The following PSD3 variants were observed in gnomAD, a reference collection of about 807,000 sequenced individuals.
The protein encoded by PSD3 is PH and SEC7 domain-containing protein 3.
Under a neutral mutation model 105.5 loss-of-function variants are expected in PSD3, and 49 were observed. That is an observed-to-expected ratio of 0.46 (90% CI 0.37 to 0.59). The LOEUF is 0.59. PSD3 is among the 20% of genes least tolerant of loss of function. The pLI is 0.00. For missense variants in PSD3, 1,561 were observed against 1,263.8 expected, an observed-to-expected ratio of 1.24 and a Z score of -3.57; for synonymous variants, 557 against 457.8, an observed-to-expected ratio of 1.22 and a Z score of -2.77.
At chr8:19,083,746 G>T (rs772718426) in intron 1 of PSD3, among the ~76,000 whole-genome samples, 1 of 152,174 alleles carries the variant, frequency 6.6e-6, no homozygotes, top group African/African-American at 2.4e-5. Flanking sequence ...TTCTGCAAGG[G>T]TGGGGAGGAT....
At chr8:18,961,509 T>C (rs1471775386) in intron 1 of PSD3, among the ~76,000 whole-genome samples, 1 of 152,092 alleles carries the variant, frequency 6.6e-6, no homozygotes, top group African/African-American at 2.4e-5. Context: ...GCCAACATGA[T>C]GAAACCCCAT....
At chr8:18,566,250 C>G (rs1236643031) in intron 14 of PSD3, among the ~76,000 whole-genome samples, 3 of 152,116 alleles carry the variant, frequency 2.0e-5, no homozygotes, top group Non-Finnish European at 2.9e-5. Flanking sequence ...CCTTGCTGGG[C>G]AGGGTGGCTC....
At chr8:18,962,467 AG>A in intron 1 of PSD3, among the ~76,000 whole-genome samples, 1 of 152,318 alleles carries the variant, frequency 6.6e-6, no homozygotes, top group South Asian at 2.1e-4. Context: ...ACACAGCAAA[AG>A]GTATTTTTGG....
intron 12 of PSD3, among the ~76,000 whole-genome samples, chr8:18,592,641 T>A (rs1803695806): frequency 6.6e-6 from 1 of 152,212 alleles, no homozygotes; most frequent in African/African-American, 2.4e-5. Flanking sequence ...TCAGCATAAA[T>A]GATCCAGGGC....
At position 18,792,423 on chromosome 8, in the gene PSD3, G is replaced by A. The variant is rs564824012; in HGVS notation, c.2082+6872C>T. Among the ~76,000 whole-genome samples, 45 of 152,278 alleles carry A rather than the reference G, an allele frequency of 3.0e-4. No homozygotes were observed. In the South Asian group the frequency reaches 8.3e-3, roughly 28 times the overall value. ...TCATGTCCTTTACAGGGACAGGGAT[G>A]GAGCCAGAGGTCATTATCCTTAGTA... On this transcript the variant is annotated intron_variant, in intron 8 of 15. Coordinates refer to ENST00000327040, the MANE Select transcript of PSD3 (RefSeq NM_015310.4).
At chr8:18,613,105 A>AT (rs1280671426) in intron 11 of PSD3, among the ~76,000 whole-genome samples, 5 of 151,998 alleles carry the variant, frequency 3.3e-5, no homozygotes, top group African/African-American at 9.7e-5. Context: ...TCACTACATC[A>AT]TTTTTTTCAG....
chr8:18,980,740 T>C (rs2129472748), intron 1 of PSD3, among the ~76,000 whole-genome samples: 1 of 152,258 alleles, frequency 6.6e-6, no homozygotes, highest in African/African-American at 2.4e-5. Context: ...AATAAACATA[T>C]CCAACTGATC....
At chr8:18,602,904 A>C (rs1804538891) in intron 11 of PSD3, among the ~76,000 whole-genome samples, 3 of 152,336 alleles carry the variant, frequency 2.0e-5, no homozygotes, top group South Asian at 4.1e-4. Flanking sequence ...AGAAGGAGTT[A>C]AAGTGATTTC....
intron 1 of PSD3, among the ~76,000 whole-genome samples, chr8:18,978,018 C>A (rs533480974): frequency 6.6e-6 from 1 of 152,292 alleles, no homozygotes; most frequent in African/African-American, 2.4e-5. Context: ...TATCATGACG[C>A]TAGCAAGGAA....
In PSD3 at chr8:18,535,803, G is replaced by T. The variant is rs140500650; in HGVS notation, c.3084C>A (p.Asn1028Lys). Residue 1028 changes from asparagine to lysine, a missense_variant, in exon 16 of 16, where the codon AAC becomes AAA. By Grantham distance (94) the Asn-to-Lys change is moderately conservative (BLOSUM62 0). Transcript: ENST00000327040. ...GTCGGTGATCCTTCCTCTCTGACAC[G>T]TTACGCTTGACTTTGGCAGTGATTG... Reference protein sequence around the residue: ...TSPITAKVKRNVSERKDHRPE... With the variant: ...TSPITAKVKRKVSERKDHRPE... 2 of 1,613,970 alleles carry T rather than the reference G, an allele frequency of 1.2e-6. No individual in the cohort carries two copies. Among genetic ancestry groups the T allele is most frequent in the Admixed American group, 1.7e-5 (1 of 59,988 alleles).
chr8:18,887,199 G>C (rs924884797), intron 2 of PSD3, among the ~76,000 whole-genome samples: 2 of 152,118 alleles, frequency 1.3e-5, no homozygotes, highest in African/African-American at 2.4e-5. Context: ...TTTAATTCTT[G>C]TATTATTTTA....
At chr8:18,850,932 T>C (rs1471056527) in intron 4 of PSD3, among the ~76,000 whole-genome samples, 1 of 152,130 alleles carries the variant, frequency 6.6e-6, no homozygotes, top group East Asian at 1.9e-4. Flanking sequence ...CCCTTCTGAA[T>C]ACAGGTTCTT....
intron 2 of PSD3, among the ~76,000 whole-genome samples, chr8:18,905,187 CT>C (rs1437804829): frequency 6.6e-6 from 1 of 152,180 alleles, no homozygotes; most frequent in East Asian, 1.9e-4. Flanking sequence ...AGCATCCCCC[CT>C]AAGTTACATG....
intron 9 of PSD3, among the ~76,000 whole-genome samples, chr8:18,721,659 T>C (rs13267095): frequency 0.69 from 105,228 of 151,722 alleles, 40,396 homozygotes; most frequent in Non-Finnish European, 0.88. Context: ...CCAGGAACCA[T>C]ACTGCATAAA....
chr8:18,603,474 G>T (rs542840599), intron 11 of PSD3, among the ~76,000 whole-genome samples: 1 of 152,026 alleles, frequency 6.6e-6, no homozygotes, highest in African/African-American at 2.4e-5. Flanking sequence ...TCTTTTGGTG[G>T]CCAATCTTCT....
chr8:18,647,593 T>C (rs1808138446), intron 10 of PSD3, among the ~76,000 whole-genome samples: 1 of 147,538 alleles, frequency 6.8e-6, no homozygotes, highest in African/African-American at 2.5e-5. Context: ...CAGAAGTTCA[T>C]TATTTAAAAC....
intron 11 of PSD3, among the ~76,000 whole-genome samples, chr8:18,616,985 A>G (rs567961649): frequency 2.0e-5 from 3 of 152,208 alleles, no homozygotes; most frequent in Non-Finnish European, 1.5e-5. Flanking sequence ...AACTTCAATT[A>G]TAAGGTAAAA....
At chr8:18,617,624 C>G (rs968646982) in intron 11 of PSD3, among the ~76,000 whole-genome samples, 1 of 152,180 alleles carries the variant, frequency 6.6e-6, no homozygotes, top group Non-Finnish European at 1.5e-5. Flanking sequence ...ATGAACCCTA[C>G]TCTTGGTGAA....
intron 2 of PSD3, among the ~76,000 whole-genome samples, chr8:18,886,099 T>A (rs1334243298): frequency 6.6e-6 from 1 of 151,898 alleles, no homozygotes; most frequent in East Asian, 1.9e-4. Flanking sequence ...ACTGGAGGGG[T>A]AGCCTGTTTT....
Sources: allele counts gnomAD v4.1 joint callset (sites outside exome capture counted in the v4.1 genomes callset), GRCh38; gene constraint gnomAD v4.1.1; transcripts MANE v1.5; gene names NCBI Gene and HGNC (gene_info 2026-07-23, HGNC 2026-07-21).